Variants in PBX1 observed in about 807,000 individuals in gnomAD.
PBX1 encodes PBX homeobox 1.
Under a neutral mutation model 53.4 loss-of-function variants are expected in PBX1, and 6 were observed. The ratio of observed to expected loss-of-function variants is 0.11; its 90% CI spans 0.06 to 0.22. The LOEUF is 0.22. Ranked by LOEUF, PBX1 falls within the 10% of genes least tolerant of loss-of-function variation. PBX1 has a pLI of 1.00. For synonymous variants in PBX1, 204 were observed against 212.3 expected, an observed-to-expected ratio of 0.96 and a Z score of 0.34; for missense variants, 251 against 551.4, an observed-to-expected ratio of 0.46 and a Z score of 5.46.
At chr1:164,639,276 T>C (rs1359163293) in intron 2 of PBX1, among the ~76,000 whole-genome samples, 2 of 152,244 alleles carry the variant, frequency 1.3e-5, no homozygotes, top group Non-Finnish European at 2.9e-5. Flanking sequence ...TGCAGCTACC[T>C]TGTTGATTCC....
At chr1:164,791,375 C>T (rs1668498969) in intron 2 of PBX1, among the ~76,000 whole-genome samples, 1 of 152,170 alleles carries the variant, frequency 6.6e-6, no homozygotes, top group African/African-American at 2.4e-5. Flanking sequence ...CACTGGCTTC[C>T]CTGAAACCCT....
chr1:164,631,648 T>C (rs1176475060), intron 2 of PBX1, among the ~76,000 whole-genome samples: 1 of 152,350 alleles, frequency 6.6e-6, no homozygotes, highest in East Asian at 1.9e-4. Context: ...ATTTACAATC[T>C]ACAATAGATA....
At chr1:164,736,175 C>G (rs1460490648) in intron 2 of PBX1, among the ~76,000 whole-genome samples, 1 of 152,208 alleles carries the variant, frequency 6.6e-6, no homozygotes, top group African/African-American at 2.4e-5. Flanking sequence ...TTCACCCTGA[C>G]TACTTCATTA....
intron 2 of PBX1, among the ~76,000 whole-genome samples, chr1:164,775,865 G>C (rs1054983693): frequency 3.3e-5 from 5 of 152,116 alleles, no homozygotes; most frequent in African/African-American, 1.2e-4. Context: ...GCATACATTG[G>C]GGTCTGTTTG....
In PBX1 at chr1:164,621,415, G is replaced by A. The variant is rs539938977; in HGVS notation, c.265+58104G>A. ...GAAACTATTATGAACATTTTCCTTG[G>A]CTGATAGCACTATGAGAAAGCATCG... On this transcript the variant is annotated intron_variant, in intron 2 of 8. Coordinates refer to ENST00000420696, the MANE Select transcript of PBX1 (RefSeq NM_002585.4). Among the ~76,000 whole-genome samples, 6 of 152,270 alleles carry A rather than the reference G, an allele frequency of 3.9e-5. 1 individual carries two copies. Among genetic ancestry groups the A allele is most frequent in the African/African-American group, 1.4e-4 (6 of 41,544 alleles).
At chr1:164,797,991 C>G (rs550118204) in intron 3 of PBX1, among the ~76,000 whole-genome samples, 1 of 152,276 alleles carries the variant, frequency 6.6e-6, no homozygotes, top group South Asian at 2.1e-4. Flanking sequence ...GGTCATGGCA[C>G]AAGAGCATGG....
intron 2 of PBX1, among the ~76,000 whole-genome samples, chr1:164,748,615 G>A (rs1450755779): frequency 6.6e-6 from 1 of 152,078 alleles, no homozygotes; most frequent in Non-Finnish European, 1.5e-5. Context: ...AATTTCTATC[G>A]CAAGTTTCAA....
intron 2 of PBX1, among the ~76,000 whole-genome samples, chr1:164,669,029 G>A (rs1416734311): frequency 6.6e-6 from 1 of 152,196 alleles, no homozygotes; most frequent in South Asian, 2.1e-4. Flanking sequence ...TCATCTTGGA[G>A]CCCCACTCTG....
chr1:164,871,588 T>TG (rs1672384520), intron 2 of PBX1, among the ~76,000 whole-genome samples: 1 of 152,168 alleles, frequency 6.6e-6, no homozygotes, highest in Admixed American at 6.5e-5. Flanking sequence ...GATGGGGTCT[T>TG]GGAGGAAACG....
At chr1:164,580,828 C>T (rs938758112) in intron 2 of PBX1, among the ~76,000 whole-genome samples, 1 of 152,204 alleles carries the variant, frequency 6.6e-6, no homozygotes, top group Non-Finnish European at 1.5e-5. Flanking sequence ...ATCCACCCTC[C>T]TCGACCTCCC....
At chr1:164,667,589 CT>C (rs1395745910) in intron 2 of PBX1, among the ~76,000 whole-genome samples, 5 of 152,092 alleles carry the variant, frequency 3.3e-5, no homozygotes, top group African/African-American at 1.2e-4. Flanking sequence ...ACATGGACCC[CT>C]GTCATAATTT....
At chr1:164,568,744 G>C (rs570042988) in intron 2 of PBX1, among the ~76,000 whole-genome samples, 2 of 152,110 alleles carry the variant, frequency 1.3e-5, no homozygotes, top group Non-Finnish European at 2.9e-5. Context: ...GTAATCGATC[G>C]TCGCTCATGA....
chr1:164,674,986 A>G (rs1040848222), intron 2 of PBX1, among the ~76,000 whole-genome samples: 4 of 151,954 alleles, frequency 2.6e-5, no homozygotes, highest in African/African-American at 9.7e-5. Context: ...TGATACTGCT[A>G]TTTGATTCTC....
intron 6 of PBX1, chr1:164,816,929 T>G (rs1349450175): frequency 6.6e-6 from 1 of 152,200 alleles, no homozygotes; most frequent in African/African-American, 2.4e-5. Context: ...CTGGAACTTG[T>G]CTGATGAAAA....
At chr1:164,677,294 T>G (rs1240712269) in intron 2 of PBX1, among the ~76,000 whole-genome samples, 2 of 151,072 alleles carry the variant, frequency 1.3e-5, no homozygotes, top group African/African-American at 2.4e-5. Flanking sequence ...GGGTTTCACC[T>G]TGTTAGCCAG....
chr1:164,712,213 C>T (rs1409584956), intron 2 of PBX1, among the ~76,000 whole-genome samples: 1 of 148,418 alleles, frequency 6.7e-6, no homozygotes, highest in Non-Finnish European at 1.5e-5. Context: ...GCCAGTCGGG[C>T]AGCTCTCTGT....
At chr1:164,682,433 T>G (rs2102000093) in intron 2 of PBX1, 1 of 152,318 alleles carries the variant, frequency 6.6e-6, no homozygotes, top group African/African-American at 2.4e-5. Flanking sequence ...ATGCCAGCAC[T>G]GTTCTTTGTT....
At chr1:164,791,561 C>T (rs948515579) in intron 2 of PBX1, among the ~76,000 whole-genome samples, 11 of 152,270 alleles carry the variant, frequency 7.2e-5, no homozygotes, top group Admixed American at 7.2e-4. Flanking sequence ...CTGAAGATTT[C>T]GTTCCACATG....
chr1:164,619,103 G>A (rs1657501008), intron 2 of PBX1, among the ~76,000 whole-genome samples: 1 of 152,022 alleles, frequency 6.6e-6, no homozygotes, highest in Admixed American at 6.6e-5. Context: ...TAGACAACAG[G>A]GAGAGAAACA....
Sources: allele counts gnomAD v4.1 joint callset (sites outside exome capture counted in the v4.1 genomes callset), GRCh38; gene constraint gnomAD v4.1.1; transcripts MANE v1.5; gene names NCBI Gene and HGNC (gene_info 2026-07-23, HGNC 2026-07-21).